OCA2: variants seen among roughly 807,000 people sequenced by gnomAD.
The protein encoded by OCA2 is OCA2 melanosomal transmembrane protein.
Under a neutral mutation model 100.2 loss-of-function variants are expected in OCA2, and 77 were observed. The ratio of observed to expected loss-of-function variants is 0.77; its 90% CI spans 0.64 to 0.93. The LOEUF (loss-of-function observed/expected upper bound fraction) is 0.93, where lower values mean the gene tolerates loss of function less well. Among genes scored for constraint, OCA2 ranks in the 40% least tolerant of loss-of-function variants. The probability of loss-of-function intolerance (pLI) is 0.00; values close to 1 mark genes in which losing one functional copy is unlikely to be tolerated. For missense variants in OCA2, 1,062 were observed against 1,089.1 expected (o/e 0.98, Z 0.35); for synonymous variants, 432 against 439.2 (o/e 0.98, Z 0.21).
intron 23 of OCA2, among the ~76,000 whole-genome samples, chr15:27,773,773 G>A (rs904154426): frequency 6.6e-6 from 1 of 152,224 alleles, no homozygotes; most frequent in Non-Finnish European, 1.5e-5. Context: ...TGAAACTGGA[G>A]CTTTGGGATC....
intron 1 of OCA2, among the ~76,000 whole-genome samples, chr15:28,084,505 C>A (rs1156781583): frequency 6.6e-6 from 1 of 152,198 alleles, no homozygotes; most frequent in Admixed American, 6.5e-5. Flanking sequence ...TGCTGCAAAA[C>A]AAATCACCAC....
chr15:28,086,997 G>A lies in OCA2; in HGVS notation c.-21-5102C>T, dbSNP rs561011996. Among the ~76,000 whole-genome samples the A allele has an allele frequency of 3.5e-4, 53 of 152,146 alleles. No individual in the cohort carries two copies. In the South Asian group the frequency reaches 6.6e-3, roughly 19 times the overall value. ...AAATGCCAGAAGAAGATGATGAAGA[G>A]TATGTAGCTTAAAAAGTATTTGACG... On this transcript the variant is annotated intron_variant, in intron 1 of 23. Transcript: ENST00000354638.
chr15:28,039,060 C>CAAATACA (rs766661440), intron 2 of OCA2, among the ~76,000 whole-genome samples: 156 of 152,012 alleles, frequency 1.0e-3, no homozygotes, highest in Admixed American at 2.0e-3. Flanking sequence ...TTACAAGAGG[C>CAAATACA]AAAGAAAAAT....
At chr15:27,787,287 T>C (rs2032859583) in intron 23 of OCA2, among the ~76,000 whole-genome samples, 1 of 152,128 alleles carries the variant, frequency 6.6e-6, no homozygotes. Context: ...ATTAGAACAG[T>C]ACTAAAAAAT....
chr15:27,773,499 G>A (rs1448232115), intron 23 of OCA2, among the ~76,000 whole-genome samples: 1 of 152,164 alleles, frequency 6.6e-6, no homozygotes, highest in African/African-American at 2.4e-5. Context: ...AGATATGTTT[G>A]GAGAAAGATG....
intron 9 of OCA2, among the ~76,000 whole-genome samples, chr15:28,006,546 T>C (rs771218952): frequency 1.3e-5 from 2 of 152,240 alleles, no homozygotes; most frequent in Non-Finnish European, 2.9e-5. Context: ...CTCCTTCAAC[T>C]GCAAAAGTGT....
At chr15:27,843,578 T>C (rs1486440442) in intron 23 of OCA2, among the ~76,000 whole-genome samples, 1 of 152,128 alleles carries the variant, frequency 6.6e-6, no homozygotes, top group Non-Finnish European at 1.5e-5. Flanking sequence ...CTGAACCCTG[T>C]CCCTTAGCGG....
chr15:28,062,426 T>C (rs2043901714), intron 2 of OCA2, among the ~76,000 whole-genome samples: 2 of 152,238 alleles, frequency 1.3e-5, no homozygotes, highest in South Asian at 2.1e-4. Flanking sequence ...CTTTTTATTA[T>C]GGAGTTGTAA....
In OCA2 at chr15:27,775,127, T is replaced by C. The variant is rs146249852; in HGVS notation, c.2433-19655A>G. Among the ~76,000 whole-genome samples, 764 of 151,596 alleles carry C rather than the reference T, an allele frequency of 5.0e-3. 9 individuals are homozygous for C. Among genetic ancestry groups the C allele is most frequent in the African/African-American group, 0.018 (727 of 41,274 alleles). ...GTCTGTGTGTTTGTTAATAAGAAGC[T>C]GGGCCCTCTGGGGCTGGCGCCCTGG... is the stretch of plus-strand genomic sequence containing the variant. On this transcript the variant is annotated intron_variant, in intron 23 of 23. Transcript: ENST00000354638.
At chr15:27,871,801 ATT>A in intron 20 of OCA2, 60 bp downstream of exon 20, 1 of 1,214,304 alleles carries the variant, frequency 8.2e-7, no homozygotes, top group Non-Finnish European at 1.2e-6. Flanking sequence ...TTTTTTTTTA[ATT>A]TTTTTCACAA....
chr15:27,888,761 C>CAT (rs942206033), intron 19 of OCA2, among the ~76,000 whole-genome samples: 5 of 152,104 alleles, frequency 3.3e-5, no homozygotes, highest in African/African-American at 7.2e-5. Context: ...TGTGTGTATA[C>CAT]ATATATATAT....
At chr15:27,775,322 C>G (rs1324727233) in intron 23 of OCA2, among the ~76,000 whole-genome samples, 1 of 152,210 alleles carries the variant, frequency 6.6e-6, no homozygotes, top group Non-Finnish European at 1.5e-5. Context: ...TCCCCTCTAA[C>G]TGCAGGGGCC....
chr15:27,834,871 C>T (rs1012142182), intron 23 of OCA2, among the ~76,000 whole-genome samples: 6 of 152,174 alleles, frequency 3.9e-5, no homozygotes, highest in African/African-American at 9.7e-5. Flanking sequence ...TGTTGACAAG[C>T]GCCATCTCCT....
intron 19 of OCA2, among the ~76,000 whole-genome samples, chr15:27,891,088 G>T (rs946300757): frequency 1.4e-4 from 22 of 151,748 alleles, no homozygotes; most frequent in Non-Finnish European, 2.8e-4. Context: ...GCAGAAATGT[G>T]TACACACAAT....
intron 7 of OCA2, among the ~76,000 whole-genome samples, chr15:28,017,640 T>C (rs920716888): frequency 6.6e-6 from 1 of 152,210 alleles, no homozygotes; most frequent in African/African-American, 2.4e-5. Context: ...CTGTGGACCA[T>C]GCTCTACAAG....
intron 18 of OCA2, among the ~76,000 whole-genome samples, chr15:27,944,656 CAGG>C (rs770165430): frequency 2.6e-5 from 4 of 152,168 alleles, no homozygotes; most frequent in Non-Finnish European, 5.9e-5. Flanking sequence ...ACTCTGCATG[CAGG>C]AGAACCATTT....
intron 23 of OCA2, among the ~76,000 whole-genome samples, chr15:27,778,093 C>T (rs1026027274): frequency 3.3e-5 from 5 of 152,054 alleles, no homozygotes; most frequent in African/African-American, 1.2e-4. Context: ...TTAAATTGAC[C>T]CTATTTTAGA....
intron 2 of OCA2, among the ~76,000 whole-genome samples, chr15:28,078,002 C>T (rs1031884985): frequency 1.3e-5 from 2 of 152,216 alleles, no homozygotes; most frequent in Non-Finnish European, 2.9e-5. Flanking sequence ...TCGCCTGAAC[C>T]TGGGAGGCAG....
At chr15:27,724,721 A>G in the OCA2 span, among the ~76,000 whole-genome samples, 1 of 152,228 alleles carries the variant, frequency 6.6e-6, no homozygotes, top group East Asian at 1.9e-4. Flanking sequence ...GACTGCAAGG[A>G]AGAGAAAACT....
Sources: allele counts gnomAD v4.1 joint callset (sites outside exome capture counted in the v4.1 genomes callset), GRCh38; gene constraint gnomAD v4.1.1; transcripts MANE v1.5; gene names NCBI Gene and HGNC (gene_info 2026-07-23, HGNC 2026-07-21).